GALNT17: variants seen among roughly 807,000 people sequenced by gnomAD.
GALNT17 encodes the protein UDP-GalNAc:polypeptide N-acetylgalactosaminyltransferase-like 3.
GALNT17 carries 29 observed loss-of-function variants against 63.7 expected under a neutral mutation model. That is an observed-to-expected ratio of 0.46 (90% CI 0.34 to 0.62). The LOEUF (loss-of-function observed/expected upper bound fraction) is 0.62, where lower values mean the gene tolerates loss of function less well. Among genes scored for constraint, GALNT17 ranks in the 20% least tolerant of loss-of-function variants. The probability of loss-of-function intolerance (pLI) is 0.01; values close to 1 mark genes in which losing one functional copy is unlikely to be tolerated. For missense variants in GALNT17, 603 were observed against 799.6 expected, an observed-to-expected ratio of 0.75 and a Z score of 2.97; for synonymous variants, 305 against 318.3, an observed-to-expected ratio of 0.96 and a Z score of 0.45.
chr7:71,217,661 C>T (rs1789509922), intron 1 of GALNT17, among the ~76,000 whole-genome samples: 1 of 152,052 alleles, frequency 6.6e-6, no homozygotes, highest in South Asian at 2.1e-4. Flanking sequence ...CATGGTGGCT[C>T]ACGCCTGTAA....
intron 1 of GALNT17, among the ~76,000 whole-genome samples, chr7:71,141,842 G>C (rs1425108518): frequency 4.4e-5 from 2 of 45,896 alleles, no homozygotes; most frequent in African/African-American, 6.8e-5. Flanking sequence ...ACGTCTGGCT[G>C]TGTGTGTGTG....
chr7:71,444,728 G>A (rs1417357722), intron 5 of GALNT17, among the ~76,000 whole-genome samples: 2 of 152,158 alleles, frequency 1.3e-5, no homozygotes, highest in African/African-American at 4.8e-5. Flanking sequence ...TCAGGAGGCT[G>A]AGGCAAGAGA....
intron 1 of GALNT17, chr7:71,284,167 CAT>C (rs1790829460): frequency 6.4e-6 from 1 of 156,272 alleles, no homozygotes; most frequent in African/African-American, 2.4e-5. Context: ...ATGTAACACT[CAT>C]AACACTCACC....
In GALNT17 at chr7:71,268,549, C is replaced by CAATAAATAAATA. The variant is rs3061640; in HGVS notation, c.239-66968_239-66957dup. Among the ~76,000 whole-genome samples, 25 of 135,316 alleles carry CAATAAATAAATA rather than the reference C, an allele frequency of 1.8e-4. 1 individual carries two copies. The highest frequency in any genetic ancestry group is 3.7e-3 in the Middle Eastern group (1 of 268). The allele number at this position is 135,316 out of a possible 152,430, so 88.8% of individuals were successfully genotyped here. A position where few individuals can be genotyped will look rare whatever the true frequency, so the allele number is the denominator to read the frequency against. On this transcript the variant is annotated intron_variant, in intron 1 of 10. Coordinates refer to ENST00000333538, the MANE Select transcript of GALNT17 (RefSeq NM_022479.3). ...CTGGGCAACAGAATGAGATCCATCT[C>CAATAAATAAATA]AATAAATAAATAAATAAATAAATAA... is the stretch of plus-strand genomic sequence containing the variant.
intron 2 of GALNT17, among the ~76,000 whole-genome samples, chr7:71,360,681 C>A (rs1463451380): frequency 6.6e-6 from 1 of 152,116 alleles, no homozygotes; most frequent in Non-Finnish European, 1.5e-5. Context: ...GCCTGTAATC[C>A]CAGTACTTTG....
chr7:71,709,391 A>G (rs1040443873), intron 9 of GALNT17, among the ~76,000 whole-genome samples: 1 of 152,166 alleles, frequency 6.6e-6, no homozygotes, highest in Non-Finnish European at 1.5e-5. Flanking sequence ...TCCTTTGCGC[A>G]TAAAAGTGGA....
At chr7:71,252,225 A>G (rs1392291141) in intron 1 of GALNT17, among the ~76,000 whole-genome samples, 26 of 151,170 alleles carry the variant, frequency 1.7e-4, no homozygotes, top group Non-Finnish European at 2.8e-4. Flanking sequence ...GAAACTCAAA[A>G]AAAAAAAAAA....
intron 1 of GALNT17, among the ~76,000 whole-genome samples, chr7:71,200,256 C>T (rs145796720): frequency 1.9e-4 from 29 of 152,124 alleles, no homozygotes; most frequent in South Asian, 1.9e-3. Context: ...AAGTCTGGCC[C>T]GTGGCTTCGT....
intron 5 of GALNT17, among the ~76,000 whole-genome samples, chr7:71,508,959 C>T (rs890933289): frequency 3.3e-5 from 5 of 152,108 alleles, no homozygotes; most frequent in East Asian, 3.9e-4. Flanking sequence ...TGCCCGTTCC[C>T]GTGTGTCTGC....
At chr7:71,318,481 G>T (rs1791543134) in intron 1 of GALNT17, among the ~76,000 whole-genome samples, 1 of 149,390 alleles carries the variant, frequency 6.7e-6, no homozygotes, top group South Asian at 2.1e-4. Flanking sequence ...GTGCAGTGGT[G>T]CAATCTCGGC....
At chr7:71,622,539 A>G (rs1378680846) in intron 6 of GALNT17, among the ~76,000 whole-genome samples, 1 of 152,032 alleles carries the variant, frequency 6.6e-6, no homozygotes. Context: ...GAATGCATCA[A>G]CTGTCTTGGA....
chr7:71,267,753 A>G (rs1180808444), intron 1 of GALNT17, among the ~76,000 whole-genome samples: 1 of 152,144 alleles, frequency 6.6e-6, no homozygotes, highest in African/African-American at 2.4e-5. Context: ...TTGTACAGGT[A>G]AACGAGTGCC....
intron 6 of GALNT17, among the ~76,000 whole-genome samples, chr7:71,608,392 G>T (rs1415462054): frequency 6.6e-6 from 1 of 152,108 alleles, no homozygotes; most frequent in African/African-American, 2.4e-5. Context: ...ACTTGGGTTG[G>T]GATGGAGGTG....
At chr7:71,339,382 G>A (rs1791968223) in intron 2 of GALNT17, among the ~76,000 whole-genome samples, 1 of 152,200 alleles carries the variant, frequency 6.6e-6, no homozygotes, top group African/African-American at 2.4e-5. Context: ...GGACCATTAA[G>A]GGATAGAAAG....
Position 71,331,132 on chromosome 7 carries a change from T to C in GALNT17, c.239-4418T>C, listed in dbSNP as rs192608977. 5.9e-5 allele frequency among the ~76,000 whole-genome samples: 9 copies of C among 152,344 alleles called. No individual in the cohort carries two copies. In the East Asian group the frequency reaches 1.7e-3, roughly 29 times the overall value. Reference sequence around the variant, plus strand: ...TTGTCTTCTCACACTCTCTTCTGTATGCCCTGTCTTTTTGGGCAGTGTTAT... The same window carrying C: ...TTGTCTTCTCACACTCTCTTCTGTACGCCCTGTCTTTTTGGGCAGTGTTAT... On this transcript the variant is annotated intron_variant, in intron 1 of 10. Coordinates refer to ENST00000333538, the MANE Select transcript of GALNT17 (RefSeq NM_022479.3).
At chr7:71,289,567 C>T (rs972546446) in intron 1 of GALNT17, among the ~76,000 whole-genome samples, 6 of 151,610 alleles carry the variant, frequency 4.0e-5, no homozygotes, top group Non-Finnish European at 7.4e-5. Context: ...GAAACCCCAT[C>T]TCTACTAAAA....
chr7:71,414,141 T>C (rs111804082), intron 3 of GALNT17, among the ~76,000 whole-genome samples: 6,913 of 152,120 alleles, frequency 0.045, 565 homozygotes, highest in African/African-American at 0.16. Flanking sequence ...CTCGGGAGGC[T>C]GAGGCAGGAG....
intron 1 of GALNT17, among the ~76,000 whole-genome samples, chr7:71,185,207 G>C (rs1439448398): frequency 7.7e-6 from 1 of 129,464 alleles, no homozygotes; most frequent in African/African-American, 3.0e-5. Context: ...CTGTCTGTCT[G>C]TCTCTCTCTC....
intron 2 of GALNT17, among the ~76,000 whole-genome samples, chr7:71,356,683 C>A (rs1360295409): frequency 6.6e-6 from 1 of 152,158 alleles, no homozygotes; most frequent in East Asian, 1.9e-4. Flanking sequence ...GGCCCCATGA[C>A]CCAAACACCT....
Sources: gnomAD v4.1 joint callset for allele counts (sites outside exome capture counted in the v4.1 genomes callset) on GRCh38, gnomAD v4.1.1 for gene constraint, MANE v1.5 for transcripts, NCBI Gene and HGNC (gene_info 2026-07-23, HGNC 2026-07-21) for gene names.